Variants in ALK observed in about 807,000 individuals in gnomAD.
The protein encoded by ALK is ALK tyrosine kinase receptor.
ALK carries 74 observed loss-of-function variants against 163.1 expected under a neutral mutation model. That is an observed-to-expected ratio of 0.45 (90% CI 0.38 to 0.55). The LOEUF (loss-of-function observed/expected upper bound fraction) is 0.55, where lower values mean the gene tolerates loss of function less well. Among genes scored for constraint, ALK ranks in the 20% least tolerant of loss-of-function variants. The pLI, the probability that ALK is intolerant of heterozygous loss-of-function variation, is 0.00. For missense variants in ALK, 2,063 were observed against 2,105.3 expected (o/e 0.98, Z 0.39); for synonymous variants, 960 against 843.2 (o/e 1.14, Z -2.40).
chr2:29,296,924 T>C lies in ALK; in HGVS notation c.1781A>G (p.Gln594Arg). 3.7e-6 allele frequency: 6 copies of C among 1,614,196 alleles called. No individual in the cohort carries two copies. The highest frequency in any genetic ancestry group is 5.1e-6 in the Non-Finnish European group (6 of 1,180,036). Reference protein sequence around the residue: ...VAAYEGLSLWQWMVLPLLDVS... With the variant: ...VAAYEGLSLWRWMVLPLLDVS... Reference sequence around the variant, plus strand: ...ATCGAGGAGAGGCAACACCATCCACTGCCACAGGCTCAAGCCTTCATAGGC... The same window carrying C: ...ATCGAGGAGAGGCAACACCATCCACCGCCACAGGCTCAAGCCTTCATAGGC... The change falls in exon 9 of 29, where the codon CAG becomes CGG. Residue 594 changes from glutamine (Q) to arginine (R), a missense_variant. By Grantham distance (43) the Gln-to-Arg change is conservative. This residue lies in a region of ALK where 987 missense variants were observed against 939.5 expected (regional missense o/e 1.05). Transcript: ENST00000389048.
intron 11 of ALK, among the ~76,000 whole-genome samples, chr2:29,271,432 C>A (rs1665382979): frequency 6.6e-6 from 1 of 152,216 alleles, no homozygotes; most frequent in African/African-American, 2.4e-5. Context: ...CTTCTGGGCA[C>A]ATTAGCAGTG....
At chr2:29,802,314 GATGGGAGGGGAGAGGAGGGGAGGGC>G (rs1664487344) in intron 1 of ALK, among the ~76,000 whole-genome samples, 1 of 100,952 alleles carries the variant, frequency 9.9e-6, no homozygotes, top group Non-Finnish European at 2.0e-5. Flanking sequence ...GAGGGAAGGG[GATGGGAGGGGAGAGGAGGGGAGGGC>G]AGGGGAGGGG....
intron 3 of ALK, among the ~76,000 whole-genome samples, chr2:29,553,315 C>T (rs1673763497): frequency 6.6e-6 from 1 of 152,192 alleles, no homozygotes; most frequent in South Asian, 2.1e-4. Flanking sequence ...AAGCAGAGAG[C>T]AGCCCTCACC....
At chr2:29,371,739 T>C (rs1668642124) in intron 5 of ALK, among the ~76,000 whole-genome samples, 1 of 152,162 alleles carries the variant, frequency 6.6e-6, no homozygotes, top group Non-Finnish European at 1.5e-5. Context: ...GTCTCTGGTG[T>C]CACCTCAGGA....
chr2:29,614,452 G>T (rs1675784676), intron 3 of ALK, among the ~76,000 whole-genome samples: 1 of 152,200 alleles, frequency 6.6e-6, no homozygotes, highest in Admixed American at 6.5e-5. Context: ...TGCCCTCCCA[G>T]GCTTGCTGAG....
chr2:29,421,776 G>A (rs958137255), intron 4 of ALK, among the ~76,000 whole-genome samples: 1 of 151,570 alleles, frequency 6.6e-6, no homozygotes, highest in Admixed American at 6.6e-5. Context: ...CAGGCATCCT[G>A]TGTACCTCTG....
At chr2:29,499,273 T>C (rs1672108299) in intron 4 of ALK, among the ~76,000 whole-genome samples, 1 of 152,068 alleles carries the variant, frequency 6.6e-6, no homozygotes, top group Non-Finnish European at 1.5e-5. Flanking sequence ...CTCGGCTCAC[T>C]GTAACCTCTG....
chr2:29,484,805 C>G (rs772287757), intron 4 of ALK, among the ~76,000 whole-genome samples: 2 of 152,160 alleles, frequency 1.3e-5, no homozygotes, highest in African/African-American at 2.4e-5. Context: ...CTTTAAATGA[C>G]TGCAAAATTC....
chr2:29,245,234 T>C (rs1387796034), intron 12 of ALK, among the ~76,000 whole-genome samples: 3 of 148,206 alleles, frequency 2.0e-5, no homozygotes, highest in South Asian at 4.3e-4. Flanking sequence ...AGGGGCTCCA[T>C]GGCTCAGTGC....
At chr2:29,839,432 C>T (rs2148393578) in intron 1 of ALK, among the ~76,000 whole-genome samples, 1 of 152,232 alleles carries the variant, frequency 6.6e-6, no homozygotes, top group South Asian at 2.1e-4. Context: ...TCATCATCTT[C>T]AAGATTTCAC....
At chr2:29,763,837 G>A (rs1301295554) in intron 1 of ALK, among the ~76,000 whole-genome samples, 1 of 152,136 alleles carries the variant, frequency 6.6e-6, no homozygotes, top group Non-Finnish European at 1.5e-5. Flanking sequence ...ACACAATAGA[G>A]CCCAGGCCAA....
chr2:29,223,859 A>G, intron 19 of ALK: 1 of 404,020 alleles, frequency 2.5e-6, no homozygotes, highest in Non-Finnish European at 4.5e-6. Flanking sequence ...TATTAGAAGA[A>G]ATGCCCATGA....
At chr2:29,419,306 G>A (rs183596823) in intron 4 of ALK, among the ~76,000 whole-genome samples, 4 of 151,422 alleles carry the variant, frequency 2.6e-5, no homozygotes, top group East Asian at 1.9e-4. Flanking sequence ...CACCCACCTC[G>A]GCTTCCCAAA....
chr2:29,450,747 A>G (rs960324594), intron 4 of ALK, among the ~76,000 whole-genome samples: 2 of 152,210 alleles, frequency 1.3e-5, no homozygotes, highest in Admixed American at 6.5e-5. Context: ...ACTATGGCCT[A>G]TAAATAATGA....
At chr2:29,220,682 C>A (rs2148166191) in intron 23 of ALK, 24 bp downstream of exon 23, 1 of 1,613,242 alleles carries the variant, frequency 6.2e-7, no homozygotes, top group Non-Finnish European at 8.5e-7. Flanking sequence ...ACAACAACTG[C>A]AGCAAAGACT....
At chr2:29,901,083 G>C (rs1047870831) in intron 1 of ALK, among the ~76,000 whole-genome samples, 25 of 152,128 alleles carry the variant, frequency 1.6e-4, no homozygotes, top group African/African-American at 5.8e-4. Flanking sequence ...GGAACGAGGA[G>C]GGGATCCTCA....
chr2:29,660,830 T>C (rs185165783), intron 3 of ALK, among the ~76,000 whole-genome samples: 3 of 152,062 alleles, frequency 2.0e-5, no homozygotes, highest in African/African-American at 7.2e-5. Context: ...ATAACTTATG[T>C]CTCTTCCTGA....
rs4322800 is a variant in ALK at position 29,392,577 on chromosome 2, T to G, written c.1155-8718A>C. 0.67 allele frequency among the ~76,000 whole-genome samples: 101,604 copies of G among 151,900 alleles called. 35,417 individuals carry two copies. The highest frequency in any genetic ancestry group is 0.98 in the East Asian group (5,074 of 5,174). ...TCTGGACTGGAATATGCAGGCTTGT[T>G]GGGGGCTGATGTCCACCCTGGCCCT... On this transcript the variant is annotated intron_variant, in intron 4 of 28. Transcript: ENST00000389048.
chr2:29,240,340 A>G (rs1009500639), intron 12 of ALK, among the ~76,000 whole-genome samples: 3 of 152,178 alleles, frequency 2.0e-5, no homozygotes, highest in African/African-American at 7.2e-5. Context: ...TAATAAGTGA[A>G]CTTGCCTCCT....
Sources: gnomAD v4.1 joint callset for allele counts (sites outside exome capture counted in the v4.1 genomes callset) on GRCh38, gnomAD v4.1.1 for gene constraint, gnomAD v4.1.1 regional missense constraint, MANE v1.5 for transcripts, NCBI Gene and HGNC (gene_info 2026-07-23, HGNC 2026-07-21) for gene names.